Variants in MYO19 observed in about 807,000 individuals in gnomAD.
MYO19 encodes myosin XIX.
MYO19 carries 132 observed loss-of-function variants against 129.2 expected under a neutral mutation model. The ratio of observed to expected loss-of-function variants is 1.02; its 90% CI spans 0.89 to 1.18. The LOEUF is 1.18. MYO19 is among the 50% of genes most tolerant of loss of function. The pLI is 0.00. For missense variants in MYO19, 1,210 were observed against 1,216.7 expected, an observed-to-expected ratio of 0.99 and a Z score of 0.08; for synonymous variants, 531 against 477.2, an observed-to-expected ratio of 1.11 and a Z score of -1.47.
At chr17:36,511,579 G>GTA (rs1555575380) in intron 11 of MYO19, 124 bp from the exon 12 acceptor site, 2 of 811,736 alleles carry the variant, frequency 2.5e-6, no homozygotes, top group East Asian at 5.4e-5. Flanking sequence ...TGGCCCAAGT[G>GTA]CCCATCTCTG....
intron 12 of MYO19, 165 bp downstream of exon 12, chr17:36,511,200 C>A: frequency 1.4e-6 from 1 of 739,238 alleles, no homozygotes; most frequent in Non-Finnish European, 2.2e-6. Context: ...CTGTCTGCCT[C>A]ACCAGACAGG....
chr17:36,534,168 G>T (rs560786510), intron 1 of MYO19, 64 bp from the exon 2 acceptor site: 1 of 152,436 alleles, frequency 6.6e-6, no homozygotes. Flanking sequence ...GTGGCAACCT[G>T]ATCACCAGTC....
At chr17:36,505,742 T>C (rs1258327755) in intron 18 of MYO19, among the ~76,000 whole-genome samples, 1 of 152,210 alleles carries the variant, frequency 6.6e-6, no homozygotes, top group Non-Finnish European at 1.5e-5. Flanking sequence ...TCAAAACTTC[T>C]TGCCATTCGT....
intron 6 of MYO19, among the ~76,000 whole-genome samples, chr17:36,524,175 G>GAT (rs2073315877): frequency 6.6e-6 from 1 of 152,110 alleles, no homozygotes; most frequent in Non-Finnish European, 1.5e-5. Context: ...TAGCCACCTT[G>GAT]ATATAGCTCC....
intron 13 of MYO19, 170 bp from the exon 14 acceptor site, chr17:36,509,305 C>T (rs1173559898): frequency 7.9e-6 from 5 of 635,688 alleles, no homozygotes; most frequent in Non-Finnish European, 1.4e-5. Context: ...ACGTCTTGAC[C>T]TACTACAGAT....
In MYO19 at chr17:36,508,967, CAG is replaced by C. The variant is rs762758401; in HGVS notation, c.1231+93_1231+94del. 2.4e-5 allele frequency: 26 copies of C among 1,069,610 alleles called. No individual in the cohort carries two copies. In the African/African-American group the frequency reaches 3.6e-4, roughly 15 times the overall value. 66.3% of individuals were successfully genotyped at this position (1,069,610 alleles called of 1,614,324 possible). On this transcript the variant is annotated intron_variant, in intron 14 of 25. Transcript: ENST00000614623. ...AGACAAAAAAGGGAAAGGAACTGCC[CAG>C]AGTCACACAGTGGACCCAGGGCTCC...
intron 18 of MYO19, 51 bp downstream of exon 18, chr17:36,506,405 T>A: frequency 6.2e-7 from 1 of 1,604,226 alleles, no homozygotes; most frequent in South Asian, 1.1e-5. Context: ...TAAATATTTG[T>A]GAGACCGTGG....
In MYO19 at chr17:36,525,332, G is replaced by A. The variant is rs369135536; in HGVS notation, c.310C>T (p.Pro104Ser). The A allele has an allele frequency of 1.5e-5, 24 of 1,611,506 alleles. No individual in the cohort carries two copies. Among genetic ancestry groups the A allele is most frequent in the East Asian group, 6.7e-5 (3 of 44,822 alleles). ...HAAPQPQKLKPHVFTVGEQTY... is the reference protein window; with the variant it reads ...HAAPQPQKLKSHVFTVGEQTY... ...TGTTCACCCACAGTGAACACATGGG[G>A]CTTCAGTTTCTGGAACATCAAGGAG... The change falls in exon 6 of 26, where the codon CCC (proline) becomes TCC (serine). Residue 104 changes from proline (P) to serine (S), a missense_variant. Coordinates refer to ENST00000614623, the MANE Select transcript of MYO19 (RefSeq NM_001163735.2).
chr17:36,530,148 A>C (rs2073740519), intron 3 of MYO19, among the ~76,000 whole-genome samples: 1 of 152,100 alleles, frequency 6.6e-6, no homozygotes, highest in East Asian at 1.9e-4. Flanking sequence ...TGTCTCTATA[A>C]AAAATATTTA....
chr17:36,511,014 A>G (rs2142026375), intron 12 of MYO19, 97 bp from the exon 13 acceptor site: 19 of 1,364,158 alleles, frequency 1.4e-5, no homozygotes, highest in East Asian at 2.5e-5. Flanking sequence ...GACTTGCCCA[A>G]CTGGACAGAA....
chr17:36,533,920 C>CT (rs1346188343), intron 2 of MYO19, 33 bp downstream of exon 2: 2 of 152,210 alleles, frequency 1.3e-5, no homozygotes, highest in Admixed American at 6.5e-5. Flanking sequence ...CCAGATCTCA[C>CT]GGGGCTAAAT....
At chr17:36,526,328 C>A (rs1036837834) in intron 5 of MYO19, among the ~76,000 whole-genome samples, 1 of 152,106 alleles carries the variant, frequency 6.6e-6, no homozygotes. Flanking sequence ...CACAAACAAC[C>A]CTGGCTTTCT....
In MYO19 at chr17:36,513,672, T is replaced by C. The variant is rs1374030281; in HGVS notation, c.774A>G (p.Gly258=). 19 of 1,613,756 alleles carry C rather than the reference T, an allele frequency of 1.2e-5. No homozygotes were observed. Among genetic ancestry groups the C allele is most frequent in the African/African-American group, 4.0e-5 (3 of 74,870 alleles). The stretch of plus-strand genomic sequence containing the variant: ...GGTTGGGCAGCCAGGAGAAGGCAGC[T>C]CCCTCAGGAAGGTGCCACTGGAGCC... The part of the protein sequence containing the change: ...DERLQWHLPE[G]AAFSWLPNPE... Residue 258 remains glycine, a synonymous_variant, in exon 10 of 26, where the codon GGA becomes GGG. Transcript: ENST00000614623.
rs141030950 is a variant in MYO19, at chr17:36,500,429, A to G, written c.2377+401T>C. The G allele has an allele frequency of 5.6e-4, 104 of 184,560 alleles. 3 individuals are homozygous for G. The East Asian group carries it at 0.013, about 24-fold the overall frequency. The allele number at this position is 184,560 out of a possible 1,614,324, so 11.4% of individuals were successfully genotyped here. On this transcript the variant is annotated intron_variant, in intron 23 of 25. Coordinates refer to ENST00000614623, the MANE Select transcript of MYO19 (RefSeq NM_001163735.2). Reference sequence around the variant, plus strand: ...CCACTATGAACATGTTGGTTAATACATCTTTTCATCTGATGAACTCCTTTT... The same window carrying G: ...CCACTATGAACATGTTGGTTAATACGTCTTTTCATCTGATGAACTCCTTTT...
intron 6 of MYO19, among the ~76,000 whole-genome samples, chr17:36,522,028 T>TCAAAA (rs1567777190): frequency 1.9e-4 from 22 of 115,204 alleles, no homozygotes; most frequent in South Asian, 2.8e-4. Context: ...AGACTGTCTT[T>TCAAAA]AAAAAAAAAA....
At chr17:36,512,588 C>A (rs1386948278) in intron 11 of MYO19, 1 of 1,263,720 alleles carries the variant, frequency 7.9e-7, no homozygotes, top group Non-Finnish European at 1.0e-6. Context: ...AGCACTCCTG[C>A]CCCGACTCCC....
intron 6 of MYO19, among the ~76,000 whole-genome samples, chr17:36,524,408 C>T (rs541875069): frequency 2.2e-4 from 33 of 152,300 alleles, no homozygotes; most frequent in Non-Finnish European, 4.3e-4. Context: ...GTTTATGGTC[C>T]AAAGAGTTCC....
At chr17:36,501,742 GAATA>G (rs2142819238) in intron 21 of MYO19, 1 of 152,610 alleles carries the variant, frequency 6.6e-6, no homozygotes, top group African/African-American at 2.4e-5. Context: ...CAAATAAAAA[GAATA>G]AATTAAAAAA....
Position 36,519,476 on chromosome 17 carries a change from G to A in MYO19, c.415-3486C>T, listed in dbSNP as rs2073007084. Among the ~76,000 whole-genome samples, 4 of 152,072 alleles carry A rather than the reference G, an allele frequency of 2.6e-5. No homozygotes were observed. In the South Asian group the frequency reaches 8.3e-4, roughly 31 times the overall value. On this transcript the variant is annotated intron_variant, in intron 6 of 25. Coordinates refer to ENST00000614623, the MANE Select transcript of MYO19 (RefSeq NM_001163735.2). ...TTATATTTATCGTAATTGTCACTAT[G>A]CCTGGGTTTAAATCTACCATCTTAT...
Sources: allele counts gnomAD v4.1 joint callset (sites outside exome capture counted in the v4.1 genomes callset), GRCh38; gene constraint gnomAD v4.1.1; transcripts MANE v1.5; gene names NCBI Gene and HGNC (gene_info 2026-07-23, HGNC 2026-07-21).